The following CNTNAP2 variants were observed in gnomAD, a reference collection of about 807,000 sequenced individuals.
CNTNAP2 encodes the protein contactin associated protein 2.
A neutral mutation model predicts 155.2 loss-of-function variants in CNTNAP2; 98 were observed. The observed-to-expected ratio is 0.63, with a 90% CI of 0.54 to 0.75. The LOEUF (loss-of-function observed/expected upper bound fraction) is 0.75, where lower values mean the gene tolerates loss of function less well. Among genes scored for constraint, CNTNAP2 ranks in the 30% least tolerant of loss-of-function variants. The probability of loss-of-function intolerance (pLI) is 0.00; values close to 1 mark genes in which losing one functional copy is unlikely to be tolerated. For synonymous variants in CNTNAP2, 651 were observed against 631.2 expected (o/e 1.03, Z -0.47); for missense variants, 1,727 against 1,688.1 (o/e 1.02, Z -0.40).
intron 1 of CNTNAP2, among the ~76,000 whole-genome samples, chr7:146,160,503 T>TA (rs1382770780): frequency 1.3e-5 from 2 of 151,998 alleles, no homozygotes; most frequent in African/African-American, 2.4e-5. Context: ...ATAGATGCAA[T>TA]AAAAAATGAT....
At chr7:146,670,522 CGG>C (rs1800284564) in intron 1 of CNTNAP2, among the ~76,000 whole-genome samples, 1 of 151,864 alleles carries the variant, frequency 6.6e-6, no homozygotes. Context: ...TAGACAGACT[CGG>C]ATTAAAAAAT....
At chr7:147,096,737 A>G (rs1335241665) in intron 4 of CNTNAP2, among the ~76,000 whole-genome samples, 2 of 152,226 alleles carry the variant, frequency 1.3e-5, no homozygotes, top group Admixed American at 1.3e-4. Context: ...ATGAAAATAA[A>G]TTAATTCAAC....
chr7:146,509,771 C>G (rs10215683), intron 1 of CNTNAP2, among the ~76,000 whole-genome samples: 19,948 of 152,166 alleles, frequency 0.13, 1,898 homozygotes, highest in Admixed American at 0.32. Context: ...CCTGCAGGGA[C>G]TGAGCATGCA....
chr7:147,398,709 T>G (rs1796864113), intron 10 of CNTNAP2, among the ~76,000 whole-genome samples: 1 of 141,876 alleles, frequency 7.0e-6, no homozygotes, highest in African/African-American at 2.7e-5. Flanking sequence ...AGCTACAGAA[T>G]TATGCATTCA....
At position 147,121,143 on chromosome 7, in the gene CNTNAP2, T is replaced by C. The variant is rs1801103565; in HGVS notation, c.919T>C (p.Tyr307His). The C allele has an allele frequency of 6.2e-7, 1 of 1,614,182 alleles. No homozygotes were observed. Among genetic ancestry groups the C allele is most frequent in the South Asian group, 1.1e-5 (1 of 91,084 alleles). ...QHFRTNGEFD[Y>H]LDLDYEITFG... ...CTTCCGTACCAATGGAGAGTTTGAC[T>C]ACCTGGACTTGGACTATGAGGTACA... Residue 307 changes from tyrosine to histidine, a missense_variant, in exon 6 of 24, where the codon TAC becomes CAC. Physicochemically the swap from Tyr to His is moderately conservative, Grantham distance 83. Coordinates refer to ENST00000361727, the MANE Select transcript of CNTNAP2 (RefSeq NM_014141.6).
At chr7:147,110,619 T>A (rs940378310) in intron 5 of CNTNAP2, among the ~76,000 whole-genome samples, 1 of 152,184 alleles carries the variant, frequency 6.6e-6, no homozygotes, top group Non-Finnish European at 1.5e-5. Context: ...AGTGAGAACA[T>A]GTGGTATTTG....
At chr7:147,585,009 G>T (rs1417084325) in intron 12 of CNTNAP2, among the ~76,000 whole-genome samples, 1 of 152,140 alleles carries the variant, frequency 6.6e-6, no homozygotes, top group African/African-American at 2.4e-5. Flanking sequence ...AGGACCTCCT[G>T]GGTCTGCTAG....
intron 1 of CNTNAP2, among the ~76,000 whole-genome samples, chr7:146,367,701 C>G (rs913387630): frequency 6.6e-6 from 1 of 151,982 alleles, no homozygotes; most frequent in Non-Finnish European, 1.5e-5. Flanking sequence ...TTTGCCTTTG[C>G]TAACACAGAA....
intron 1 of CNTNAP2, among the ~76,000 whole-genome samples, chr7:146,210,367 A>G (rs1799014391): frequency 6.6e-6 from 1 of 152,106 alleles, no homozygotes. Context: ...AGATACTAAA[A>G]TGGTGTATTT....
intron 1 of CNTNAP2, among the ~76,000 whole-genome samples, chr7:146,597,041 A>G (rs919383411): frequency 6.6e-6 from 1 of 152,046 alleles, no homozygotes; most frequent in African/African-American, 2.4e-5. Context: ...AATAACCAGG[A>G]AAAAAGGCAT....
chr7:148,046,860 G>A (rs529918153), intron 15 of CNTNAP2, among the ~76,000 whole-genome samples: 1 of 152,186 alleles, frequency 6.6e-6, no homozygotes, highest in East Asian at 1.9e-4. Flanking sequence ...TTTTTCATTT[G>A]TGAAACTGAA....
At chr7:146,986,703 G>A (rs1168464097) in intron 3 of CNTNAP2, among the ~76,000 whole-genome samples, 1 of 152,104 alleles carries the variant, frequency 6.6e-6, no homozygotes, top group Admixed American at 6.5e-5. Flanking sequence ...CATTCTTGTA[G>A]GAGTAGGTGG....
intron 3 of CNTNAP2, among the ~76,000 whole-genome samples, chr7:146,906,133 C>A (rs984913388): frequency 6.6e-6 from 1 of 152,240 alleles, no homozygotes; most frequent in Non-Finnish European, 1.5e-5. Flanking sequence ...ATATCCCACA[C>A]CTGGCTCGGA....
intron 22 of CNTNAP2, among the ~76,000 whole-genome samples, chr7:148,385,929 A>G (rs1247277936): frequency 6.6e-6 from 1 of 151,976 alleles, no homozygotes; most frequent in African/African-American, 2.4e-5. Context: ...GGATTTCACC[A>G]TGTTGGCCAA....
At chr7:146,934,192 A>G (rs936439114) in intron 3 of CNTNAP2, among the ~76,000 whole-genome samples, 4 of 152,030 alleles carry the variant, frequency 2.6e-5, no homozygotes, top group Admixed American at 2.6e-4. Flanking sequence ...GAACCAACCC[A>G]AATGTCCAAC....
At chr7:147,372,060 C>T (rs946092468) in intron 9 of CNTNAP2, among the ~76,000 whole-genome samples, 12 of 152,100 alleles carry the variant, frequency 7.9e-5, no homozygotes, top group African/African-American at 2.9e-4. Context: ...TTCCCCACAA[C>T]ACAGTGACAG....
chr7:148,323,094 G>A (rs1272720642), intron 21 of CNTNAP2, among the ~76,000 whole-genome samples: 2 of 151,896 alleles, frequency 1.3e-5, no homozygotes, highest in Non-Finnish European at 2.9e-5. Flanking sequence ...CTTTACCTAT[G>A]TTACCTCTTA....
At chr7:146,976,420 C>G (rs1797912809) in intron 3 of CNTNAP2, among the ~76,000 whole-genome samples, 1 of 152,174 alleles carries the variant, frequency 6.6e-6, no homozygotes, top group Non-Finnish European at 1.5e-5. Context: ...GGCTCTTTTA[C>G]CTGTGCTTCT....
intron 14 of CNTNAP2, among the ~76,000 whole-genome samples, chr7:147,968,330 A>T (rs1439950656): frequency 6.6e-6 from 1 of 152,228 alleles, no homozygotes; most frequent in Non-Finnish European, 1.5e-5. Context: ...GCAGTAATTG[A>T]ATCTGTAATT....
Sources: allele counts gnomAD v4.1 joint callset (sites outside exome capture counted in the v4.1 genomes callset), GRCh38; gene constraint gnomAD v4.1.1; transcripts MANE v1.5; gene names NCBI Gene and HGNC (gene_info 2026-07-23, HGNC 2026-07-21).